The following VEPH1 variants were observed in gnomAD, a reference collection of about 807,000 sequenced individuals.
VEPH1 encodes the protein ventricular zone expressed PH domain containing 1, also known as ventricular zone-expressed PH domain-containing protein homolog 1.
VEPH1 carries 80 observed loss-of-function variants against 85.2 expected under a neutral mutation model. That is an observed-to-expected ratio of 0.94 (90% CI 0.78 to 1.13). The LOEUF is 1.13. Among genes scored for constraint, VEPH1 ranks in the 50% most tolerant of loss-of-function variants. The pLI is 0.00. For missense variants in VEPH1, 955 were observed against 980.5 expected (o/e 0.97, Z 0.35); for synonymous variants, 297 against 348.0 (o/e 0.85, Z 1.63).
At chr3:157,314,668 T>G (rs1410469422) in intron 10 of VEPH1, among the ~76,000 whole-genome samples, 1 of 152,202 alleles carries the variant, frequency 6.6e-6, no homozygotes, top group Middle Eastern at 3.4e-3. Context: ...TTAAATAAGT[T>G]CATTATGAAA....
At chr3:157,408,260 TATA>T (rs1427507070) in intron 6 of VEPH1, among the ~76,000 whole-genome samples, 1 of 152,174 alleles carries the variant, frequency 6.6e-6, no homozygotes, top group Non-Finnish European at 1.5e-5. Context: ...ATGTTTGTTG[TATA>T]ATGACTCCAT....
chr3:157,483,637 T>C (rs947820866), intron 2 of VEPH1, among the ~76,000 whole-genome samples: 1 of 152,032 alleles, frequency 6.6e-6, no homozygotes, highest in African/African-American at 2.4e-5. Context: ...CGTGGATGGA[T>C]AGAGCTGAAA....
intron 3 of VEPH1, among the ~76,000 whole-genome samples, chr3:157,467,041 A>G (rs1241935227): frequency 6.6e-6 from 1 of 152,182 alleles, no homozygotes; most frequent in East Asian, 1.9e-4. Flanking sequence ...TAAAAGAGGA[A>G]AAGGAATGGT....
chr3:157,309,211 G>C (rs1178396199), intron 11 of VEPH1, among the ~76,000 whole-genome samples: 1 of 151,994 alleles, frequency 6.6e-6, no homozygotes, highest in African/African-American at 2.4e-5. Context: ...TCTCATGTTG[G>C]CTCATGCTTT....
chr3:157,428,556 C>T lies in VEPH1; in HGVS notation c.530-68G>A, dbSNP rs968797258. 1.5e-5 allele frequency: 22 copies of T among 1,485,680 alleles called. No individual in the cohort carries two copies. In the African/African-American group the frequency reaches 2.2e-4, roughly 15 times the overall value. The allele number at this position is 1,485,680 out of a possible 1,614,324, so 92.0% of individuals were successfully genotyped here. On this transcript the variant is annotated intron_variant, in intron 4 of 13. Transcript: ENST00000362010. ...ATGAGCAACAGAAATAACATTATTA[C>T]CAATGTAATAATATTTGCACTTACA...
chr3:157,375,073 G>C (rs1727936136), intron 7 of VEPH1, among the ~76,000 whole-genome samples: 2 of 152,154 alleles, frequency 1.3e-5, no homozygotes, highest in Admixed American at 1.3e-4. Context: ...CTGTCTGCAA[G>C]GTTTACTCTA....
At chr3:157,453,014 C>T (rs555601499) in intron 4 of VEPH1, among the ~76,000 whole-genome samples, 1 of 152,260 alleles carries the variant, frequency 6.6e-6, no homozygotes, top group African/African-American at 2.4e-5. Context: ...ACAGTATCCC[C>T]TGGAAATAAT....
intron 4 of VEPH1, among the ~76,000 whole-genome samples, chr3:157,456,288 T>C (rs1735374953): frequency 6.6e-6 from 1 of 152,180 alleles, no homozygotes; most frequent in African/African-American, 2.4e-5. Flanking sequence ...ACTTTGCAAA[T>C]ATTTCCTTTC....
chr3:157,384,253 G>T (rs1198786066), intron 6 of VEPH1, among the ~76,000 whole-genome samples: 1 of 152,162 alleles, frequency 6.6e-6, no homozygotes, highest in Non-Finnish European at 1.5e-5. Flanking sequence ...ATTTGGCAAG[G>T]TTTCAGACTC....
intron 2 of VEPH1, among the ~76,000 whole-genome samples, chr3:157,478,704 A>G (rs963320969): frequency 6.6e-6 from 1 of 152,194 alleles, no homozygotes; most frequent in Non-Finnish European, 1.5e-5. Flanking sequence ...TAAGGCAAAT[A>G]TCCTATGATT....
chr3:157,285,009 T>G (rs1340898138), intron 12 of VEPH1: 2 of 152,210 alleles, frequency 1.3e-5, no homozygotes, highest in African/African-American at 2.4e-5. Context: ...TGGCCAGATA[T>G]GATTAAATAT....
At chr3:157,285,919 G>A (rs977780461) in intron 12 of VEPH1, among the ~76,000 whole-genome samples, 1 of 151,292 alleles carries the variant, frequency 6.6e-6, no homozygotes, top group Non-Finnish European at 1.5e-5. Flanking sequence ...GATAATGTCA[G>A]TATTTTCCTC....
intron 12 of VEPH1, among the ~76,000 whole-genome samples, chr3:157,283,939 G>A (rs1428868364): frequency 2.0e-5 from 3 of 152,192 alleles, no homozygotes; most frequent in Non-Finnish European, 4.4e-5. Flanking sequence ...GCTGGCCCCT[G>A]TGTGGGTGTT....
At chr3:157,381,521 C>A (rs1022870518) in intron 6 of VEPH1, 145 bp from the exon 7 acceptor site, 3 of 728,906 alleles carry the variant, frequency 4.1e-6, no homozygotes, top group Non-Finnish European at 6.8e-6. Flanking sequence ...AGTTTGCAAC[C>A]AGCCTGGGCA....
At chr3:157,385,991 T>G (rs1288300520) in intron 6 of VEPH1, among the ~76,000 whole-genome samples, 3 of 152,152 alleles carry the variant, frequency 2.0e-5, no homozygotes, top group Non-Finnish European at 2.9e-5. Flanking sequence ...TTCACTATTT[T>G]CACCACTGAT....
intron 9 of VEPH1, among the ~76,000 whole-genome samples, chr3:157,323,382 G>T (rs1721563102): frequency 6.6e-6 from 1 of 152,192 alleles, no homozygotes; most frequent in Non-Finnish European, 1.5e-5. Flanking sequence ...AGTGTGAGTT[G>T]TTGAACTGAC....
intron 6 of VEPH1, among the ~76,000 whole-genome samples, chr3:157,391,242 C>G (rs1248109814): frequency 6.6e-6 from 1 of 152,192 alleles, no homozygotes; most frequent in East Asian, 1.9e-4. Context: ...GTGCCACTGG[C>G]CATAGAGGTT....
chr3:157,414,207 T>C, intron 5 of VEPH1, 117 bp from the exon 6 acceptor site: 1 of 700,036 alleles, frequency 1.4e-6, no homozygotes, highest in Non-Finnish European at 2.4e-6. Flanking sequence ...CTCAACACAT[T>C]CTGGGATTAT....
intron 11 of VEPH1, among the ~76,000 whole-genome samples, chr3:157,311,148 A>G (rs1255645075): frequency 6.6e-6 from 1 of 152,228 alleles, no homozygotes; most frequent in Non-Finnish European, 1.5e-5. Context: ...CCTGCCCTCA[A>G]GCAGTTTGCA....
Sources: gnomAD v4.1 joint callset for allele counts (sites outside exome capture counted in the v4.1 genomes callset) on GRCh38, gnomAD v4.1.1 for gene constraint, MANE v1.5 for transcripts, NCBI Gene and HGNC (gene_info 2026-07-23, HGNC 2026-07-21) for gene names.